Variants in SGCZ observed in about 807,000 individuals in gnomAD.
The protein encoded by SGCZ is sarcoglycan zeta, also known as zeta-sarcoglycan.
In SGCZ, 40 loss-of-function variants were observed where a neutral mutation model predicts 41.3. That is an observed-to-expected ratio of 0.97 (90% CI 0.75 to 1.26). The LOEUF is 1.26. SGCZ is among the 50% of genes most tolerant of loss of function. The pLI is 0.00. For synonymous variants in SGCZ, 206 were observed against 137.5 expected (o/e 1.50, Z -3.49); for missense variants, 552 against 369.8 (o/e 1.49, Z -4.04).
chr8:15,127,273 C>A (rs2603526), intron 1 of SGCZ, among the ~76,000 whole-genome samples: 100,142 of 129,850 alleles, frequency 0.77, 35,592 homozygotes, highest in Non-Finnish European at 0.83. Flanking sequence ...CACACACACA[C>A]ACACACACAC....
At chr8:14,353,218 AT>A (rs1016347757) in intron 2 of SGCZ, among the ~76,000 whole-genome samples, 2 of 152,116 alleles carry the variant, frequency 1.3e-5, no homozygotes, top group African/African-American at 2.4e-5. Context: ...GAGTATTATT[AT>A]GAGCAAAGCA....
At position 14,354,403 on chromosome 8, in the gene SGCZ, T is replaced by G. The variant is rs151287860; in HGVS notation, c.235-30199A>C. Among the ~76,000 whole-genome samples, 743 of 151,914 alleles carry G rather than the reference T, an allele frequency of 4.9e-3. 5 individuals are homozygous for G. Among genetic ancestry groups the G allele is most frequent in the African/African-American group, 0.016 (661 of 41,504 alleles). Reference sequence around the variant, plus strand: ...AAAAAACTCCTATAATGATACCACTTCGATGTGAATATAGTAAGATATTTT... The same window carrying G: ...AAAAAACTCCTATAATGATACCACTGCGATGTGAATATAGTAAGATATTTT... On this transcript the variant is annotated intron_variant, in intron 2 of 7. Transcript: ENST00000382080.
At chr8:14,108,309 C>A (rs1802271011) in intron 5 of SGCZ, 74 bp from the exon 6 acceptor site, 2 of 1,324,600 alleles carry the variant, frequency 1.5e-6, no homozygotes, top group East Asian at 4.6e-5. Flanking sequence ...GTTTATGCAT[C>A]AAATATTCTT....
chr8:15,228,057 A>G (rs773106320), intron 1 of SGCZ, among the ~76,000 whole-genome samples: 44 of 152,256 alleles, frequency 2.9e-4, no homozygotes, highest in Admixed American at 2.6e-4. Flanking sequence ...GTTTGAAAAA[A>G]AAGTCGATAC....
At chr8:14,292,849 CCT>C (rs1349352493) in intron 3 of SGCZ, among the ~76,000 whole-genome samples, 2 of 151,500 alleles carry the variant, frequency 1.3e-5, no homozygotes, top group African/African-American at 4.8e-5. Context: ...TAGAGTAATC[CCT>C]CTGTCTCTAT....
chr8:14,622,235 A>G (rs1451955128), intron 1 of SGCZ, among the ~76,000 whole-genome samples: 6 of 152,162 alleles, frequency 3.9e-5, no homozygotes, highest in African/African-American at 1.4e-4. Context: ...AATAAACAGA[A>G]TGTATCAAGG....
chr8:14,143,852 G>T (rs147819583), intron 5 of SGCZ, among the ~76,000 whole-genome samples: 1 of 152,056 alleles, frequency 6.6e-6, no homozygotes, highest in Admixed American at 6.6e-5. Flanking sequence ...GGGATAACAC[G>T]GCAATTGTGA....
intron 1 of SGCZ, among the ~76,000 whole-genome samples, chr8:15,097,468 G>T (rs1585558966): frequency 6.6e-6 from 1 of 151,928 alleles, no homozygotes; most frequent in African/African-American, 2.4e-5. Context: ...CCATTGCTAG[G>T]ATGGGCATGG....
At chr8:14,219,660 T>A (rs971481169) in intron 4 of SGCZ, among the ~76,000 whole-genome samples, 1 of 152,070 alleles carries the variant, frequency 6.6e-6, no homozygotes, top group Admixed American at 6.5e-5. Flanking sequence ...GGCAGGAGAA[T>A]CACTTGTACT....
chr8:14,413,154 G>A (rs894167131), intron 2 of SGCZ, among the ~76,000 whole-genome samples: 3 of 151,820 alleles, frequency 2.0e-5, no homozygotes, highest in Admixed American at 6.6e-5. Context: ...AAATCATAAG[G>A]TAGCGTGAGA....
At chr8:14,479,724 T>A (rs1801469007) in intron 2 of SGCZ, among the ~76,000 whole-genome samples, 1 of 127,002 alleles carries the variant, frequency 7.9e-6, no homozygotes, top group African/African-American at 2.9e-5. Flanking sequence ...CCTCCAGAAT[T>A]CTACTTCTTT....
intron 1 of SGCZ, among the ~76,000 whole-genome samples, chr8:14,694,556 G>T (rs13282394): frequency 0.41 from 62,860 of 151,894 alleles, 15,194 homozygotes; most frequent in Non-Finnish European, 0.55. Flanking sequence ...ATAAACTAGT[G>T]GATGATTTGC....
At chr8:14,259,181 TG>T (rs1247071292) in intron 3 of SGCZ, among the ~76,000 whole-genome samples, 1 of 152,218 alleles carries the variant, frequency 6.6e-6, no homozygotes, top group Non-Finnish European at 1.5e-5. Flanking sequence ...TTTCCATTTA[TG>T]CCATAGATAA....
At chr8:15,099,284 A>G (rs1033315713) in intron 1 of SGCZ, among the ~76,000 whole-genome samples, 1 of 152,276 alleles carries the variant, frequency 6.6e-6, no homozygotes, top group Middle Eastern at 3.4e-3. Flanking sequence ...AAAATACTAA[A>G]ATGGAAATTA....
chr8:14,096,862 T>C (rs1470120311), intron 7 of SGCZ, among the ~76,000 whole-genome samples: 3 of 152,180 alleles, frequency 2.0e-5, no homozygotes, highest in Non-Finnish European at 4.4e-5. Flanking sequence ...AATTTATCCA[T>C]TTCTTCTAGA....
chr8:14,884,400 A>G (rs1348281348), intron 1 of SGCZ, among the ~76,000 whole-genome samples: 1 of 152,174 alleles, frequency 6.6e-6, no homozygotes, highest in Non-Finnish European at 1.5e-5. Context: ...ATATCAGTAT[A>G]AGATAAATGA....
chr8:14,270,396 T>C (rs920456025), intron 3 of SGCZ, among the ~76,000 whole-genome samples: 1 of 152,134 alleles, frequency 6.6e-6, no homozygotes, highest in Non-Finnish European at 1.5e-5. Flanking sequence ...TTAAGGTTTT[T>C]TCAGCGTATT....
intron 1 of SGCZ, among the ~76,000 whole-genome samples, chr8:15,035,258 A>C (rs1287128586): frequency 1.3e-5 from 2 of 152,178 alleles, no homozygotes; most frequent in East Asian, 3.9e-4. Context: ...ATTAAAGCTA[A>C]TTTGTTATCA....
intron 3 of SGCZ, among the ~76,000 whole-genome samples, chr8:14,255,525 G>C (rs989314402): frequency 2.6e-5 from 4 of 151,792 alleles, no homozygotes; most frequent in Admixed American, 6.6e-5. Context: ...CTGATAAAAA[G>C]ACAATTACAT....
Sources: allele counts gnomAD v4.1 joint callset (sites outside exome capture counted in the v4.1 genomes callset), GRCh38; gene constraint gnomAD v4.1.1; transcripts MANE v1.5; gene names NCBI Gene and HGNC (gene_info 2026-07-23, HGNC 2026-07-21).